REEP1: variants seen among roughly 807,000 people sequenced by gnomAD.
The protein encoded by REEP1 is receptor expression-enhancing protein 1.
REEP1 carries 22 observed loss-of-function variants against 40.3 expected under a neutral mutation model. The observed-to-expected ratio is 0.55, with a 90% CI of 0.39 to 0.78. The LOEUF (loss-of-function observed/expected upper bound fraction) is 0.78. Among genes scored for constraint, REEP1 ranks in the 30% least tolerant of loss-of-function variants. REEP1 has a pLI of 0.00. For synonymous variants in REEP1, 116 were observed against 139.2 expected (o/e 0.83, Z 1.17); for missense variants, 280 against 361.1 (o/e 0.78, Z 1.82).
intron 7 of REEP1, among the ~76,000 whole-genome samples, chr2:86,227,148 C>T (rs1559511): frequency 0.29 from 44,753 of 152,100 alleles, 8,185 homozygotes; most frequent in East Asian, 0.6. Context: ...CTTGAGAGAC[C>T]CTGAGCTAGA....
Position 86,284,445 on chromosome 2 carries a change from G to A in REEP1, c.33-2203C>T, listed in dbSNP as rs139309267. Among the ~76,000 whole-genome samples the A allele has an allele frequency of 1.4e-4, 21 of 152,290 alleles. No homozygotes were observed. In the East Asian group the frequency reaches 3.1e-3, roughly 22 times the overall value. On this transcript the variant is annotated intron_variant, in intron 1 of 8. Coordinates refer to ENST00000538924, the MANE Select transcript of REEP1 (RefSeq NM_001371279.1). ...CTCAGTAAGTACGTGTTCACTGTGT[G>A]AAGTATCAGAATGGGGAAGCCAAAG... is the stretch of plus-strand genomic sequence containing the variant.
intron 2 of REEP1, among the ~76,000 whole-genome samples, chr2:86,276,319 G>A (rs1314837546): frequency 6.6e-6 from 1 of 152,168 alleles, no homozygotes; most frequent in Admixed American, 6.5e-5. Flanking sequence ...GCGGCATAGG[G>A]TCTTTTCTGG....
intron 5 of REEP1, among the ~76,000 whole-genome samples, chr2:86,233,824 T>C (rs1675153098): frequency 6.6e-6 from 1 of 152,044 alleles, no homozygotes; most frequent in South Asian, 2.1e-4. Context: ...CTCGGGTGCA[T>C]GGCACTGCAG....
intron 3 of REEP1, among the ~76,000 whole-genome samples, chr2:86,262,867 A>G (rs1372308346): frequency 1.3e-5 from 2 of 152,256 alleles, no homozygotes; most frequent in African/African-American, 4.8e-5. Flanking sequence ...ACAAACAGAA[A>G]TCGATATATT....
chr2:86,226,275 C>T (rs57367442), intron 7 of REEP1, among the ~76,000 whole-genome samples: 13,378 of 152,002 alleles, frequency 0.088, 1,036 homozygotes, highest in East Asian at 0.21. Context: ...AAGCTCACAG[C>T]GGTTAGGTGA....
At chr2:86,305,665 C>T (rs1364301970) in intron 1 of REEP1, among the ~76,000 whole-genome samples, 1 of 152,172 alleles carries the variant, frequency 6.6e-6, no homozygotes, top group Non-Finnish European at 1.5e-5. Context: ...ACTGAAGACC[C>T]CTGCCCTCTG....
chr2:86,259,906 A>G (rs1676767204), intron 3 of REEP1, among the ~76,000 whole-genome samples: 1 of 152,222 alleles, frequency 6.6e-6, no homozygotes, highest in Non-Finnish European at 1.5e-5. Context: ...AGGTCCATAC[A>G]AGTGGCTCCA....
At chr2:86,223,747 CTCTCTCTCT>C (rs1674547919) in intron 7 of REEP1, 1 of 151,954 alleles carries the variant, frequency 6.6e-6, no homozygotes, top group Non-Finnish European at 1.5e-5. Flanking sequence ...CTCTCTCTCT[CTCTCTCTCT>C]CTCTCTGAGA....
chr2:86,235,739 C>T (rs1270460286), intron 5 of REEP1, among the ~76,000 whole-genome samples: 1 of 152,230 alleles, frequency 6.6e-6, no homozygotes, highest in Non-Finnish European at 1.5e-5. Context: ...CCATTCAACT[C>T]CCAGAAGCCA....
intron 3 of REEP1, among the ~76,000 whole-genome samples, chr2:86,259,479 G>A (rs1160304174): frequency 3.3e-5 from 5 of 151,316 alleles, no homozygotes; most frequent in African/African-American, 1.2e-4. Context: ...TCCGCCTCCC[G>A]GGTTCAAGTG....
intron 5 of REEP1, among the ~76,000 whole-genome samples, chr2:86,240,246 G>A (rs758387262): frequency 3.3e-5 from 5 of 152,196 alleles, no homozygotes; most frequent in Non-Finnish European, 7.3e-5. Flanking sequence ...GTGAAGCACC[G>A]CAGAGGAACA....
At chr2:86,324,760 G>A (rs758845629) in intron 1 of REEP1, among the ~76,000 whole-genome samples, 1 of 152,086 alleles carries the variant, frequency 6.6e-6, no homozygotes, top group Non-Finnish European at 1.5e-5. Context: ...ACTGTCCTCT[G>A]CCTCAGCCAG....
intron 1 of REEP1, among the ~76,000 whole-genome samples, chr2:86,305,924 CG>C (rs1403432395): frequency 6.6e-6 from 1 of 152,178 alleles, no homozygotes; most frequent in Non-Finnish European, 1.5e-5. Context: ...CAGTTCTCCT[CG>C]GGCCACTCGC....
chr2:86,288,844 T>C (rs1365805645), intron 1 of REEP1, among the ~76,000 whole-genome samples: 1 of 152,248 alleles, frequency 6.6e-6, no homozygotes, highest in Non-Finnish European at 1.5e-5. Flanking sequence ...TGTTTCAATT[T>C]GCATTTCCTC....
chr2:86,255,950 G>C (rs1220267097), intron 3 of REEP1, among the ~76,000 whole-genome samples: 2 of 152,122 alleles, frequency 1.3e-5, no homozygotes, highest in East Asian at 3.9e-4. Context: ...GTAACCATGT[G>C]TTTATGGTTT....
chr2:86,250,631 C>T (rs1048049197), intron 5 of REEP1, among the ~76,000 whole-genome samples: 3 of 152,114 alleles, frequency 2.0e-5, no homozygotes, highest in Admixed American at 6.5e-5. Flanking sequence ...CCCCCAACCC[C>T]GAGATCTGCC....
intron 5 of REEP1, among the ~76,000 whole-genome samples, chr2:86,236,836 C>T (rs574845003): frequency 1.4e-4 from 21 of 152,122 alleles, no homozygotes; most frequent in Non-Finnish European, 2.4e-4. Context: ...CCCGCGTTCA[C>T]GCATTCTCTT....
chr2:86,303,863 G>A (rs1449544922), intron 1 of REEP1, among the ~76,000 whole-genome samples: 3 of 152,104 alleles, frequency 2.0e-5, no homozygotes, highest in Non-Finnish European at 4.4e-5. Flanking sequence ...AGTGCAGCTG[G>A]GTCAGGCAGA....
intron 8 of REEP1, among the ~76,000 whole-genome samples, chr2:86,219,456 T>G (rs948884038): frequency 6.9e-6 from 1 of 145,888 alleles, no homozygotes; most frequent in East Asian, 1.9e-4. Flanking sequence ...CTTTTCTTTT[T>G]TTTTTTTTTT....
Sources: allele counts gnomAD v4.1 joint callset (sites outside exome capture counted in the v4.1 genomes callset), GRCh38; gene constraint gnomAD v4.1.1; transcripts MANE v1.5; gene names NCBI Gene and HGNC (gene_info 2026-07-23, HGNC 2026-07-21).